Variants in EXOC6B observed in about 807,000 individuals in gnomAD.
The protein encoded by EXOC6B is exocyst complex component 6B.
Under a neutral mutation model 113.5 loss-of-function variants are expected in EXOC6B, and 54 were observed. That is an observed-to-expected ratio of 0.48 (90% confidence interval 0.38 to 0.60). The LOEUF (loss-of-function observed/expected upper bound fraction) is 0.60, where lower values mean the gene tolerates loss of function less well. Among genes scored for constraint, EXOC6B ranks in the 20% least tolerant of loss-of-function variants. EXOC6B has a pLI of 0.00. For missense variants in EXOC6B, 797 were observed against 977.5 expected, an observed-to-expected ratio of 0.82 and a Z score of 2.46; for synonymous variants, 357 against 339.0, an observed-to-expected ratio of 1.05 and a Z score of -0.58.
At chr2:72,289,501 C>T (rs1403139569) in intron 20 of EXOC6B, among the ~76,000 whole-genome samples, 2 of 152,086 alleles carry the variant, frequency 1.3e-5, no homozygotes, top group African/African-American at 2.4e-5. Context: ...TGGTATTCCA[C>T]TCAGCTGAAA....
intron 6 of EXOC6B, among the ~76,000 whole-genome samples, chr2:72,649,767 T>A (rs1282571514): frequency 6.6e-6 from 1 of 152,096 alleles, no homozygotes; most frequent in Non-Finnish European, 1.5e-5. Flanking sequence ...AGCCCCACAG[T>A]ACAGCCAACT....
intron 6 of EXOC6B, among the ~76,000 whole-genome samples, chr2:72,650,542 C>T (rs1399510590): frequency 6.6e-6 from 1 of 150,576 alleles, no homozygotes; most frequent in African/African-American, 2.4e-5. Context: ...TGGAGTGAGC[C>T]GAGATCGCGC....
chr2:72,295,286 A>ATATCTAC (rs1686063403), intron 20 of EXOC6B, among the ~76,000 whole-genome samples: 1 of 151,974 alleles, frequency 6.6e-6, no homozygotes, highest in Non-Finnish European at 1.5e-5. Flanking sequence ...AATTTTAATG[A>ATATCTAC]TATCTACCAG....
At chr2:72,401,521 A>G (rs1289642667) in intron 18 of EXOC6B, among the ~76,000 whole-genome samples, 1 of 22,488 alleles carries the variant, frequency 4.4e-5, no homozygotes, top group Non-Finnish European at 8.2e-5. Context: ...ATATACATAT[A>G]TACATATATA....
chr2:72,645,083 T>C (rs145136968), intron 6 of EXOC6B, among the ~76,000 whole-genome samples: 3 of 151,912 alleles, frequency 2.0e-5, no homozygotes, highest in African/African-American at 7.2e-5. Context: ...AACAAAAGGA[T>C]GGAGAAAGAT....
chr2:72,633,434 T>C (rs1672618195), intron 6 of EXOC6B, among the ~76,000 whole-genome samples: 2 of 152,186 alleles, frequency 1.3e-5, no homozygotes, highest in Non-Finnish European at 2.9e-5. Flanking sequence ...CTGCTGCTGC[T>C]GTTTTAATAT....
intron 6 of EXOC6B, among the ~76,000 whole-genome samples, chr2:72,717,313 T>TA (rs1679678997): frequency 6.6e-6 from 1 of 152,148 alleles, no homozygotes; most frequent in African/African-American, 2.4e-5. Flanking sequence ...CACAGAATGA[T>TA]AAAAACTACA....
At chr2:72,787,226 TTTC>T (rs1684425527) in intron 1 of EXOC6B, among the ~76,000 whole-genome samples, 50 of 152,182 alleles carry the variant, frequency 3.3e-4, no homozygotes, top group Admixed American at 3.0e-3. Flanking sequence ...TTTTATTTTT[TTTC>T]GAGACAGAGT....
intron 20 of EXOC6B, among the ~76,000 whole-genome samples, chr2:72,252,416 T>C (rs1683078967): frequency 1.3e-5 from 2 of 152,040 alleles, no homozygotes; most frequent in Non-Finnish European, 2.9e-5. Context: ...CAAGGCAATA[T>C]AATAGAAAGT....
chr2:72,702,908 C>A (rs1209242541), intron 6 of EXOC6B, among the ~76,000 whole-genome samples: 1 of 151,450 alleles, frequency 6.6e-6, no homozygotes, highest in Non-Finnish European at 1.5e-5. Context: ...TTTTGCTGTG[C>A]AGAAGCTCTT....
chr2:72,462,515 A>T (rs1697755308), intron 18 of EXOC6B: 1 of 151,958 alleles, frequency 6.6e-6, no homozygotes, highest in Non-Finnish European at 1.5e-5. Flanking sequence ...TTCAGAAGTG[A>T]TTACATCACT....
intron 20 of EXOC6B, among the ~76,000 whole-genome samples, chr2:72,254,150 ACT>A (rs1683201630): frequency 6.6e-6 from 1 of 151,464 alleles, no homozygotes; most frequent in Non-Finnish European, 1.5e-5. Flanking sequence ...ACAAAGCAAG[ACT>A]CTGTCTCAAA....
intron 18 of EXOC6B, among the ~76,000 whole-genome samples, chr2:72,433,013 G>A (rs1242773615): frequency 6.6e-6 from 1 of 152,086 alleles, no homozygotes; most frequent in Admixed American, 6.5e-5. Context: ...GTACTGCCTA[G>A]GTTTTCTTCT....
chr2:72,588,050 G>T (rs755012602), intron 6 of EXOC6B, among the ~76,000 whole-genome samples: 1 of 151,970 alleles, frequency 6.6e-6, no homozygotes, highest in Non-Finnish European at 1.5e-5. Flanking sequence ...GCAAGGATGG[G>T]GATAAACTGG....
chr2:72,395,484 G>A (rs1386152489), intron 18 of EXOC6B, among the ~76,000 whole-genome samples: 3 of 152,046 alleles, frequency 2.0e-5, no homozygotes, highest in Admixed American at 6.6e-5. Flanking sequence ...AATAACAAAT[G>A]CTTCATTTCA....
At chr2:72,786,264 G>A (rs898291295) in intron 1 of EXOC6B, among the ~76,000 whole-genome samples, 8 of 152,340 alleles carry the variant, frequency 5.3e-5, no homozygotes, top group Middle Eastern at 3.4e-3. Context: ...ATGACAGTCT[G>A]TGACCTAGAA....
intron 11 of EXOC6B, among the ~76,000 whole-genome samples, chr2:72,506,957 A>G (rs1700626320): frequency 1.3e-5 from 2 of 152,094 alleles, no homozygotes; most frequent in South Asian, 4.1e-4. Context: ...CCTTTATACT[A>G]GGCATATTAA....
intron 1 of EXOC6B, among the ~76,000 whole-genome samples, chr2:72,743,233 C>T (rs1037855799): frequency 5.9e-5 from 9 of 152,190 alleles, no homozygotes; most frequent in Admixed American, 2.0e-4. Flanking sequence ...GCAACAGCCT[C>T]CTGACAGTCT....
At chr2:72,660,794 A>C (rs191757730) in intron 6 of EXOC6B, among the ~76,000 whole-genome samples, 1 of 151,444 alleles carries the variant, frequency 6.6e-6, no homozygotes, top group Non-Finnish European at 1.5e-5. Flanking sequence ...AAGTTGAAGT[A>C]TTACACAATT....
Sources: gnomAD v4.1 joint callset for allele counts (sites outside exome capture counted in the v4.1 genomes callset) on GRCh38, gnomAD v4.1.1 for gene constraint, MANE v1.5 for transcripts, NCBI Gene and HGNC (gene_info 2026-07-23, HGNC 2026-07-21) for gene names.